Variants in DMD observed in about 807,000 individuals in gnomAD.
The protein encoded by DMD is dystrophin.
A neutral mutation model predicts 330.1 loss-of-function variants in DMD; 63 were observed. The ratio of observed to expected loss-of-function variants is 0.19; its 90% CI spans 0.16 to 0.24. DMD has a LOEUF of 0.24. DMD is among the 10% of genes least tolerant of loss of function. The probability of loss-of-function intolerance (pLI) is 1.00; values close to 1 mark genes in which losing one functional copy is unlikely to be tolerated. For missense variants in DMD, 3,344 were observed against 2,684.1 expected (o/e 1.25, Z -5.43); for synonymous variants, 1,223 against 959.8 (o/e 1.27, Z -5.07).
intron 62 of DMD, among the ~76,000 whole-genome samples, chrX:31,313,233 G>A (rs2055682226): frequency 9.2e-6 from 1 of 109,113 alleles, no homozygotes; most frequent in Non-Finnish European, 1.9e-5. Context: ...CTTACATCAG[G>A]GCTGGCCAAG....
At chrX:32,252,476 A>G (rs1300496986) in intron 43 of DMD, among the ~76,000 whole-genome samples, 1 of 104,291 alleles carries the variant, frequency 9.6e-6, no homozygotes. Context: ...TTCTTTGTTA[A>G]TTTCTGTAGA....
rs59655083 is a variant in DMD, at chrX:31,961,775, GT to G, written c.6614+6563del. 2.0e-3 allele frequency among the ~76,000 whole-genome samples: 140 copies of G among 69,826 alleles called. 1 individual carries two copies. The highest frequency in any genetic ancestry group is 4.8e-3 in the African/African-American group (94 of 19,561). The allele number at this position is 69,826 out of a possible 115,157, so 60.6% of individuals were successfully genotyped here. On this transcript the variant is annotated intron_variant, in intron 45 of 78. Transcript: ENST00000357033. The stretch of plus-strand genomic sequence containing the variant: ...TTTTTTGTCTTGTTTTTTGTTCTTT[GT>G]TTTTTTTTTTTTGCAAAAGCTGAAG...
At chrX:33,232,103 T>C (rs944519088) in intron 1 of DMD, among the ~76,000 whole-genome samples, 1 of 112,080 alleles carries the variant, frequency 8.9e-6, no homozygotes, top group Non-Finnish European at 1.9e-5. Flanking sequence ...GGTGAAATTA[T>C]CCTTCAAAAG....
At chrX:32,613,431 T>A (rs1246607834) in intron 12 of DMD, among the ~76,000 whole-genome samples, 4 of 109,341 alleles carry the variant, frequency 3.7e-5, no homozygotes, top group Non-Finnish European at 5.7e-5. Flanking sequence ...GAAGTCTCAA[T>A]AACAGAAACA....
At chrX:32,684,056 G>A (rs1393605069) in intron 9 of DMD, among the ~76,000 whole-genome samples, 3 of 98,239 alleles carry the variant, frequency 3.1e-5, no homozygotes, top group Non-Finnish European at 6.2e-5. Flanking sequence ...CACACACACA[G>A]TGTGTATACA....
chrX:33,328,453 C>T (rs1183844751), intron 1 of DMD, among the ~76,000 whole-genome samples: 1 of 111,177 alleles, frequency 9.0e-6, no homozygotes, highest in East Asian at 2.8e-4. Context: ...ACCTCGACCT[C>T]CCAAAATGCT....
intron 44 of DMD, among the ~76,000 whole-genome samples, chrX:32,048,067 T>A (rs2147477492): frequency 9.6e-6 from 1 of 103,856 alleles, no homozygotes; most frequent in African/African-American, 3.5e-5. Context: ...GAAATAATAA[T>A]AAAAACGATA....
chrX:32,813,866 A>G (rs1385581125), intron 6 of DMD, among the ~76,000 whole-genome samples: 2 of 112,159 alleles, frequency 1.8e-5, no homozygotes, highest in East Asian at 5.6e-4. Flanking sequence ...AAAAGCAAAA[A>G]TTACAACTAT....
At chrX:32,762,093 G>A (rs1387093762) in intron 7 of DMD, among the ~76,000 whole-genome samples, 2 of 107,821 alleles carry the variant, frequency 1.9e-5, no homozygotes, top group African/African-American at 6.8e-5. Flanking sequence ...AGAGGTTGCA[G>A]TGAGGCCAGA....
At chrX:32,317,299 T>A (rs899996591) in intron 41 of DMD, among the ~76,000 whole-genome samples, 1 of 111,692 alleles carries the variant, frequency 9.0e-6, no homozygotes, top group Non-Finnish European at 1.9e-5. Context: ...AAATGCCTAT[T>A]TTTATTTAAA....
chrX:31,804,613 C>T lies in DMD; in HGVS notation c.7309+15362G>A, dbSNP rs1284010321. ...CTAACATGTCTTAAAATGCAGTTTG[C>T]GAACATGCATGCATTTCCAGCATCA... On this transcript the variant is annotated intron_variant, in intron 50 of 78. Transcript: ENST00000357033. 8.1e-5 allele frequency among the ~76,000 whole-genome samples: 9 copies of T among 111,695 alleles called. No homozygotes were observed. In the East Asian group the frequency reaches 2.0e-3, roughly 24 times the overall value.
intron 41 of DMD, among the ~76,000 whole-genome samples, chrX:32,339,947 A>T (rs1020838492): frequency 8.9e-6 from 1 of 112,227 alleles, no homozygotes; most frequent in Non-Finnish European, 1.9e-5. Context: ...TTGTAAGGTT[A>T]TATCAAATAC....
chrX:32,565,822 T>C lies in DMD; in HGVS notation c.1872A>G (p.Lys624=), dbSNP rs1569214383. Residue 624 remains lysine (K), a synonymous_variant, in exon 16 of 79, where the codon AAA becomes AAG. Coordinates refer to ENST00000357033, the MANE Select transcript of DMD (RefSeq NM_004006.3). Reference sequence around the variant, plus strand: ...TCTTCAGTGTTGAAAGAAGATCTTGTTTGAGTGAATACAGTTTGCCCATGG... The same window carrying C: ...TCTTCAGTGTTGAAAGAAGATCTTGCTTGAGTGAATACAGTTTGCCCATGG... The part of the protein sequence containing the change: ...KQSMGKLYSL[K]QDLLSTLKNK... 8.3e-7 allele frequency: 1 copy of C among 1,211,316 alleles called. No individual in the cohort carries two copies. The highest frequency in any genetic ancestry group is 1.1e-6 in the Non-Finnish European group (1 of 895,153).
At chrX:32,596,557 A>G (rs1483994038) in intron 12 of DMD, among the ~76,000 whole-genome samples, 4 of 104,277 alleles carry the variant, frequency 3.8e-5, no homozygotes, top group Non-Finnish European at 7.9e-5. Flanking sequence ...TTTTTTTTCT[A>G]TTTTGGAGAC....
chrX:31,438,137 G>C (rs950151143), intron 60 of DMD, among the ~76,000 whole-genome samples: 8 of 110,965 alleles, frequency 7.2e-5, no homozygotes, highest in Non-Finnish European at 1.1e-4. Flanking sequence ...TCATAGAAAA[G>C]TTAAGTGCTT....
At chrX:32,654,083 A>G (rs1204052014) in intron 9 of DMD, among the ~76,000 whole-genome samples, 1 of 111,819 alleles carries the variant, frequency 8.9e-6, no homozygotes, top group Non-Finnish European at 1.9e-5. Flanking sequence ...ATATACAATC[A>G]TGTCATCTGC....
intron 44 of DMD, among the ~76,000 whole-genome samples, chrX:32,033,806 A>G (rs940246213): frequency 2.5e-4 from 28 of 111,981 alleles, no homozygotes; most frequent in African/African-American, 8.1e-4. Context: ...TATATTTAAT[A>G]GTCTGTTGAC....
At chrX:32,366,237 A>G (rs2097854102) in intron 34 of DMD, among the ~76,000 whole-genome samples, 1 of 112,236 alleles carries the variant, frequency 8.9e-6, no homozygotes, top group African/African-American at 3.2e-5. Context: ...GGCACGGCTG[A>G]CAGACAATGT....
intron 48 of DMD, among the ~76,000 whole-genome samples, chrX:31,861,161 T>A (rs751593920): frequency 1.8e-5 from 2 of 111,487 alleles, no homozygotes; most frequent in Non-Finnish European, 3.8e-5. Flanking sequence ...AAACAGTGCA[T>A]AGAAAAGGAA....
Sources: gnomAD v4.1 joint callset for allele counts (sites outside exome capture counted in the v4.1 genomes callset) on GRCh38, gnomAD v4.1.1 for gene constraint, MANE v1.5 for transcripts, NCBI Gene and HGNC (gene_info 2026-07-23, HGNC 2026-07-21) for gene names.